Variants in SANBR observed in about 807,000 individuals in gnomAD.
SANBR encodes SANT and BTB domain regulator of class switch recombination.
In SANBR, 77 loss-of-function variants were observed where a neutral mutation model predicts 101.8. That is an observed-to-expected ratio of 0.76 (90% CI 0.63 to 0.91). The LOEUF (loss-of-function observed/expected upper bound fraction) is 0.91. SANBR is among the 40% of genes least tolerant of loss of function. The pLI, the probability that SANBR is intolerant of heterozygous loss-of-function variation, is 0.00. For synonymous variants in SANBR, 279 were observed against 274.7 expected (o/e 1.02, Z -0.15); for missense variants, 875 against 853.0 (o/e 1.03, Z -0.32).
At chr2:61,092,668 G>T (rs1018037966) in intron 11 of SANBR, 81 bp downstream of exon 11, 2 of 1,124,440 alleles carry the variant, frequency 1.8e-6, no homozygotes, top group Non-Finnish European at 2.5e-6. Context: ...TAATTGATAT[G>T]TTTAAATGTG....
At chr2:61,105,958 C>T (rs538110969) in intron 13 of SANBR, among the ~76,000 whole-genome samples, 8 of 152,332 alleles carry the variant, frequency 5.3e-5, no homozygotes, top group African/African-American at 1.9e-4. Context: ...GCGTGACCCA[C>T]TGTGCCCAGC....
At chr2:61,084,507 C>G (rs1381407658) in intron 8 of SANBR, among the ~76,000 whole-genome samples, 1 of 152,034 alleles carries the variant, frequency 6.6e-6, no homozygotes, top group Non-Finnish European at 1.5e-5. Context: ...ACTATTATCC[C>G]TCTGAAAAGC....
chr2:61,097,602 A>T (rs990112234), intron 11 of SANBR, 98 bp from the exon 12 acceptor site: 3 of 942,622 alleles, frequency 3.2e-6, no homozygotes, highest in South Asian at 3.6e-5. Flanking sequence ...TGCATATTTC[A>T]TATAAAAATG....
chr2:61,067,861 A>G (rs1287267542), intron 1 of SANBR, among the ~76,000 whole-genome samples: 1 of 152,240 alleles, frequency 6.6e-6, no homozygotes, highest in Non-Finnish European at 1.5e-5. Context: ...CTAGAGAGAA[A>G]GCAAGTCTTT....
At chr2:61,135,793 C>T (rs547617130) in intron 21 of SANBR, among the ~76,000 whole-genome samples, 12 of 152,042 alleles carry the variant, frequency 7.9e-5, no homozygotes, top group East Asian at 1.9e-4. Flanking sequence ...AGCTAAAATA[C>T]GTAGGGAATT....
chr2:61,099,842 G>T (rs962005538), intron 12 of SANBR, among the ~76,000 whole-genome samples: 5 of 152,024 alleles, frequency 3.3e-5, no homozygotes, highest in Non-Finnish European at 7.4e-5. Context: ...AAGAAAGAGT[G>T]GACTGTGGTG....
In SANBR at chr2:61,123,738, G is replaced by A; in HGVS notation, c.*1576G>A. 1 of 985,494 alleles carries A rather than the reference G, an allele frequency of 1.0e-6. No homozygotes were observed. Among genetic ancestry groups the A allele is most frequent in the African/African-American group, 1.7e-5 (1 of 57,356 alleles). The allele number at this position is 985,494 out of a possible 1,614,324, so 61.0% of individuals were successfully genotyped here. A position where few individuals can be genotyped will look rare whatever the true frequency, so the allele number is the denominator to read the frequency against. On this transcript the variant is annotated 3_prime_UTR_variant, in exon 22 of 22. Coordinates refer to ENST00000402291, the MANE Select transcript of SANBR (RefSeq NM_001129993.3). ...AAAAGGCAAACTGCTTCTCCCCTGG[G>A]AGGCCTATACCACTGAATTAATTTT...
chr2:61,101,024 G>A (rs912041793), intron 12 of SANBR, among the ~76,000 whole-genome samples: 1 of 152,148 alleles, frequency 6.6e-6, no homozygotes, highest in Non-Finnish European at 1.5e-5. Flanking sequence ...TGAATGATGG[G>A]TCATGGAATT....
chr2:61,133,459 A>G (rs1053787744), intron 20 of SANBR, among the ~76,000 whole-genome samples: 4 of 151,210 alleles, frequency 2.6e-5, no homozygotes, highest in Non-Finnish European at 5.9e-5. Context: ...TTCACTTTCA[A>G]TAAAAAATGA....
chr2:61,133,547 G>A lies in SANBR; in HGVS notation c.2029-590G>A, dbSNP rs1228490137. Among the ~76,000 whole-genome samples the A allele has an allele frequency of 6.6e-5, 10 of 151,870 alleles. No individual in the cohort carries two copies. In the East Asian group the frequency reaches 1.4e-3, roughly 21 times the overall value. ...GAAGGAGGATTGCTTGAGCCCAGGA[G>A]TTCAAGACCGGCCTGGGCAACATAC... On this transcript the variant is annotated intron_variant, in intron 20 of 21. Coordinates refer to the SANBR transcript ENST00000295031.
intron 8 of SANBR, among the ~76,000 whole-genome samples, chr2:61,087,916 T>G (rs1297985482): frequency 6.6e-6 from 1 of 152,070 alleles, no homozygotes; most frequent in African/African-American, 2.4e-5. Context: ...TTTATCAATC[T>G]TATTTTTTAT....
intron 14 of SANBR, among the ~76,000 whole-genome samples, chr2:61,107,239 G>T (rs1275752299): frequency 6.6e-6 from 1 of 151,738 alleles, no homozygotes; most frequent in South Asian, 2.1e-4. Context: ...ATGATTTGAG[G>T]AATGAAGATA....
At chr2:61,117,898 G>GA in intron 19 of SANBR, 130 bp from the exon 20 acceptor site, 1 of 693,142 alleles carries the variant, frequency 1.4e-6, no homozygotes, top group Non-Finnish European at 2.4e-6. Context: ...CAGATATATA[G>GA]ATGTATGTGT....
intron 14 of SANBR, 94 bp downstream of exon 14, chr2:61,106,756 AACTG>A: frequency 2.8e-6 from 2 of 720,142 alleles, no homozygotes; most frequent in Non-Finnish European, 2.3e-6. Flanking sequence ...GTTGAAATTG[AACTG>A]ACTACCTAAT....
At chr2:61,104,193 C>T (rs1356520488) in intron 13 of SANBR, among the ~76,000 whole-genome samples, 195 bp downstream of exon 13, 1 of 152,050 alleles carries the variant, frequency 6.6e-6, no homozygotes, top group Non-Finnish European at 1.5e-5. Context: ...CTTAAAAATA[C>T]TGGAGGTGGC....
At chr2:61,117,999 A>G in intron 19 of SANBR, 29 bp from the exon 20 acceptor site, 1 of 1,548,362 alleles carries the variant, frequency 6.5e-7, no homozygotes, top group Non-Finnish European at 8.9e-7. Context: ...CCTTATGAAA[A>G]GTAAAGTTTA....
At chr2:61,094,003 A>C in intron 11 of SANBR, 2 of 725,466 alleles carry the variant, frequency 2.8e-6, no homozygotes, top group Non-Finnish European at 3.4e-6. Context: ...CTCCCCAGTA[A>C]TTTTCCTCTG....
intron 13 of SANBR, 81 bp downstream of exon 13, chr2:61,104,079 C>G (rs1683421565): frequency 8.1e-7 from 1 of 1,236,644 alleles, no homozygotes. Flanking sequence ...CCCAAATCAG[C>G]AACGTCAGTC....
At chr2:61,124,698 C>G (rs1253731899), downstream of SANBR, among the ~76,000 whole-genome samples, 2 of 145,950 alleles carry the variant, frequency 1.4e-5, no homozygotes, top group African/African-American at 5.3e-5. Context: ...AGAACAAGAC[C>G]CTATCAAAAA....
Sources: gnomAD v4.1 joint callset for allele counts (sites outside exome capture counted in the v4.1 genomes callset) on GRCh38, gnomAD v4.1.1 for gene constraint, MANE v1.5 for transcripts, NCBI Gene and HGNC (gene_info 2026-07-23, HGNC 2026-07-21) for gene names.